RRBP1: variants seen among roughly 807,000 people sequenced by gnomAD.
The protein encoded by RRBP1 is ribosome binding protein 1.
A neutral mutation model predicts 165.2 loss-of-function variants in RRBP1; 94 were observed. That is an observed-to-expected ratio of 0.57 (90% CI 0.48 to 0.68). The LOEUF (loss-of-function observed/expected upper bound fraction) is 0.68. Ranked by LOEUF, RRBP1 falls within the 30% of genes least tolerant of loss-of-function variation. The pLI, the probability that RRBP1 is intolerant of heterozygous loss-of-function variation, is 0.00. For synonymous variants in RRBP1, 680 were observed against 714.5 expected (o/e 0.95, Z 0.77); for missense variants, 1,676 against 1,763.0 (o/e 0.95, Z 0.88).
intron 2 of RRBP1, among the ~76,000 whole-genome samples, chr20:17,668,719 G>A (rs1239410255): frequency 5.9e-5 from 9 of 152,212 alleles, no homozygotes; most frequent in Non-Finnish European, 1.2e-4. Flanking sequence ...GTGAGAGAAG[G>A]CTCAGTTCCC....
intron 20 of RRBP1, 42 bp from the exon 21 acceptor site, chr20:17,616,881 G>T: frequency 6.9e-7 from 1 of 1,451,392 alleles, no homozygotes; most frequent in Non-Finnish European, 9.7e-7. Flanking sequence ...ACAGCCAGTC[G>T]CACACCCACC....
chr20:17,641,611 G>C, intron 5 of RRBP1, 186 bp downstream of exon 5: 2 of 694,842 alleles, frequency 2.9e-6, no homozygotes, highest in Non-Finnish European at 4.9e-6. Flanking sequence ...GCACTGCCAA[G>C]GGTGAGCTGC....
intron 1 of RRBP1, 114 bp from the exon 2 acceptor site, chr20:17,680,189 G>A (rs1288404345): frequency 1.3e-5 from 2 of 152,258 alleles, no homozygotes; most frequent in South Asian, 2.1e-4. Context: ...ATTTCTCTAG[G>A]TGTCGGATTA....
intron 2 of RRBP1, among the ~76,000 whole-genome samples, chr20:17,672,803 T>C (rs1389778637): frequency 6.6e-6 from 1 of 152,158 alleles, no homozygotes; most frequent in Non-Finnish European, 1.5e-5. Context: ...GCTGGAATAG[T>C]GAGAATGAAC....
chr20:17,642,901 T>G, intron 4 of RRBP1, 78 bp downstream of exon 4: 1 of 1,462,036 alleles, frequency 6.8e-7, no homozygotes, highest in Non-Finnish European at 9.4e-7. Context: ...ATGTCCTCTC[T>G]GTGGCAGAGG....
rs1189121769 is a variant in RRBP1 at position 17,614,094 on chromosome 20, C to T, written c.*88G>A. ...GCTACCGGAAGTTGGGCCTGGATAA[C>T]GCTGTGTAGGTTGGTTGGTTTATTT... On this transcript the variant is annotated 3_prime_UTR_variant, in exon 25 of 25. Coordinates refer to ENST00000377813, the MANE Select transcript of RRBP1 (RefSeq NM_001365613.2). The T allele has an allele frequency of 1.9e-5, 25 of 1,347,698 alleles. No individual in the cohort carries two copies. Among genetic ancestry groups the T allele is most frequent in the Non-Finnish European group, 2.4e-5 (23 of 939,428 alleles). The allele number at this position is 1,347,698 out of a possible 1,614,324, so 83.5% of individuals were successfully genotyped here.
chr20:17,622,606 T>C (rs1037539264), intron 13 of RRBP1, among the ~76,000 whole-genome samples: 2 of 151,788 alleles, frequency 1.3e-5, no homozygotes, highest in Non-Finnish European at 2.9e-5. Flanking sequence ...GGACACCCCC[T>C]CAGTCCTCAA....
chr20:17,670,724 C>T (rs1034689782), intron 2 of RRBP1, among the ~76,000 whole-genome samples: 1 of 152,228 alleles, frequency 6.6e-6, no homozygotes, highest in African/African-American at 2.4e-5. Flanking sequence ...TAGCAAAGAT[C>T]TGTCAGTAGC....
At chr20:17,619,165 C>T (rs2035860242) in intron 19 of RRBP1, 1 of 177,548 alleles carries the variant, frequency 5.6e-6, no homozygotes, top group Non-Finnish European at 1.2e-5. Flanking sequence ...TCGAGCAATC[C>T]ACCTCAGCCT....
At chr20:17,647,627 A>G (rs1320004908) in intron 3 of RRBP1, among the ~76,000 whole-genome samples, 1 of 152,166 alleles carries the variant, frequency 6.6e-6, no homozygotes, top group Non-Finnish European at 1.5e-5. Flanking sequence ...GGGCCCGAGT[A>G]TTCAGGAAGC....
intron 18 of RRBP1, chr20:17,619,940 CATGCTCTT>C: frequency 1.8e-6 from 1 of 556,630 alleles, no homozygotes; most frequent in Non-Finnish European, 3.2e-6. Flanking sequence ...TGGGGACTGA[CATGCTCTT>C]AGATTTACTT....
At chr20:17,620,617 G>C (rs1474188193) in intron 17 of RRBP1, 98 bp downstream of exon 17, 1 of 952,786 alleles carries the variant, frequency 1.0e-6, no homozygotes, top group Non-Finnish European at 1.6e-6. Flanking sequence ...GCCCCACCGA[G>C]ACACACGAGT....
intron 24 of RRBP1, 136 bp downstream of exon 24, chr20:17,614,601 T>C (rs80005897): frequency 0.039 from 43,445 of 1,119,602 alleles, 1,005 homozygotes; most frequent in South Asian, 0.052. Flanking sequence ...CGCCCAGCTC[T>C]GCCTCCCCTG....
chr20:17,643,152 G>C lies in RRBP1; in HGVS notation c.1913-25C>G. The C allele has an allele frequency of 6.2e-7, 1 of 1,610,970 alleles. No homozygotes were observed. Among genetic ancestry groups the C allele is most frequent in the Non-Finnish European group, 8.5e-7 (1 of 1,179,210 alleles). On this transcript the variant is annotated intron_variant, in intron 3 of 24. Coordinates refer to ENST00000377813, the MANE Select transcript of RRBP1 (RefSeq NM_001365613.2). This position sits in a 1 kb window ranked among gnomAD's most constrained non-coding sequence, Gnocchi z 4.3. ...CCTGTGCAGCAAGAGGGAAAGAGCT[G>C]AGACTTAGGCCCATAAGCCACAACA...
At chr20:17,649,219 A>G (rs1215610936) in intron 3 of RRBP1, among the ~76,000 whole-genome samples, 1 of 152,236 alleles carries the variant, frequency 6.6e-6, no homozygotes, top group African/African-American at 2.4e-5. Flanking sequence ...GTTAGGTTCA[A>G]AAGAAAAAGT....
At chr20:17,615,372 G>A in intron 23 of RRBP1, 59 bp downstream of exon 23, 1 of 1,387,398 alleles carries the variant, frequency 7.2e-7, no homozygotes, top group South Asian at 1.3e-5. Context: ...GAGGCCAAGA[G>A]TGGCGCCAGC....
Position 17,620,205 on chromosome 20 carries a change from T to C in RRBP1, c.3579+94A>G, listed in dbSNP as rs571395113. On this transcript the variant is annotated intron_variant, in intron 18 of 24. Coordinates refer to ENST00000377813, the MANE Select transcript of RRBP1 (RefSeq NM_001365613.2). ...TGCCTCTCTTAAGGCACACGGTCCA[T>C]GAGGAAGAAATCAGTGAAGTGTCCT... is the stretch of plus-strand genomic sequence containing the variant. 1,028 of 911,534 alleles carry C rather than the reference T, an allele frequency of 1.1e-3. 8 individuals are homozygous for C. The highest frequency in any genetic ancestry group is 7.8e-3 in the South Asian group (558 of 71,966). The allele number at this position is 911,534 out of a possible 1,614,324, so 56.5% of individuals were successfully genotyped here.
intron 3 of RRBP1, among the ~76,000 whole-genome samples, chr20:17,656,043 G>A (rs79399189): frequency 7.9e-5 from 12 of 152,318 alleles, no homozygotes; most frequent in African/African-American, 1.2e-4. Context: ...AGGAGGGGAC[G>A]TCTCCAGGAT....
chr20:17,664,902 AAC>A (rs1425955006), intron 2 of RRBP1, among the ~76,000 whole-genome samples: 4 of 152,162 alleles, frequency 2.6e-5, no homozygotes, highest in African/African-American at 9.7e-5. Context: ...ATGACAATAA[AAC>A]AGAGACCCTA....
Sources: gnomAD v4.1 joint callset for allele counts (sites outside exome capture counted in the v4.1 genomes callset) on GRCh38, gnomAD v4.1.1 for gene constraint, Gnocchi (gnomAD v3.1) non-coding constraint, MANE v1.5 for transcripts, NCBI Gene and HGNC (gene_info 2026-07-23, HGNC 2026-07-21) for gene names.